The following PPP4R2 variants were observed in gnomAD, a reference collection of about 807,000 sequenced individuals.
The protein encoded by PPP4R2 is serine/threonine-protein phosphatase 4 regulatory subunit 2.
In PPP4R2, 13 loss-of-function variants were observed where a neutral mutation model predicts 47.2. The observed-to-expected ratio is 0.28, with a 90% confidence interval of 0.18 to 0.44. The LOEUF is 0.44. PPP4R2 is among the 20% of genes least tolerant of loss of function. The pLI, the probability that PPP4R2 is intolerant of heterozygous loss-of-function variation, is 1.00. For synonymous variants in PPP4R2, 151 were observed against 163.3 expected (o/e 0.92, Z 0.57); for missense variants, 421 against 491.2 (o/e 0.86, Z 1.35).
Position 72,996,874 on chromosome 3 carries a change from CT to C in PPP4R2, c.-163del. On this transcript the variant is annotated 5_prime_UTR_variant, in exon 1 of 9. Coordinates refer to ENST00000356692, the MANE Select transcript of PPP4R2 (RefSeq NM_174907.4). ...AGGTGCTCGCTCTGTCGGTCTTGCT[CT>C]CTCGCACGCTTCCCCCGGCTCCCTT... 1 of 430,316 alleles carries C rather than the reference CT, an allele frequency of 2.3e-6. No homozygotes were observed. The highest frequency in any genetic ancestry group is 6.1e-4 in the Middle Eastern group (1 of 1,632). 26.7% of individuals were successfully genotyped at this position (430,316 alleles called of 1,614,324 possible).
chr3:73,000,011 T>G (rs1050698102), intron 2 of PPP4R2, among the ~76,000 whole-genome samples: 3 of 152,234 alleles, frequency 2.0e-5, no homozygotes, highest in Non-Finnish European at 4.4e-5. Flanking sequence ...TATGTGAGAT[T>G]GTAACGAGAG....
intron 4 of PPP4R2, 132 bp from the exon 5 acceptor site, chr3:73,060,891 C>A: frequency 1.9e-6 from 1 of 528,466 alleles, no homozygotes; most frequent in South Asian, 3.1e-5. Flanking sequence ...CATTTTTAAC[C>A]ATTTTCCTTT....
At chr3:73,015,994 C>T (rs936187454) in intron 2 of PPP4R2, 3 of 191,298 alleles carry the variant, frequency 1.6e-5, no homozygotes, top group Non-Finnish European at 3.4e-5. Flanking sequence ...TCTCGAACTC[C>T]TGACCTCAAG....
chr3:73,056,297 AC>A (rs1702730369), intron 3 of PPP4R2, among the ~76,000 whole-genome samples: 1 of 86,788 alleles, frequency 1.2e-5, no homozygotes, highest in Non-Finnish European at 3.6e-5. Context: ...CACTTTTTAT[AC>A]AGTGTTGTTA....
intron 2 of PPP4R2, among the ~76,000 whole-genome samples, chr3:73,018,934 A>ACTTGTGGTT (rs1221629133): frequency 1.3e-5 from 2 of 152,016 alleles, no homozygotes; most frequent in Non-Finnish European, 2.9e-5. Flanking sequence ...GTCTGTTTCT[A>ACTTGTGGTT]CTTGTGGTTC....
intron 2 of PPP4R2, among the ~76,000 whole-genome samples, chr3:73,040,200 A>G (rs1305993813): frequency 1.3e-5 from 2 of 152,230 alleles, no homozygotes; most frequent in African/African-American, 2.4e-5. Context: ...AAGGAAATGT[A>G]AATTAAACTG....
rs5850094 is a variant in PPP4R2 at position 73,010,564 on chromosome 3, CTT to C, written c.116+12417_116+12418del. On this transcript the variant is annotated intron_variant, in intron 2 of 8. Transcript: ENST00000356692. ...ATAATTTACTTGTCTCTCTCGCTCT[CTT>C]TTTTTTTTTTAAGACAGAGTCTCAC... Among the ~76,000 whole-genome samples, 1,074 of 147,744 alleles carry C rather than the reference CTT, an allele frequency of 7.3e-3. 12 individuals are homozygous for C. The highest frequency in any genetic ancestry group is 0.025 in the African/African-American group (1,019 of 40,264).
In PPP4R2 at chr3:73,049,292, A is replaced by AT. The variant is rs576910846; in HGVS notation, c.287+1938dup. Among the ~76,000 whole-genome samples the AT allele has an allele frequency of 1.5e-3, 232 of 152,070 alleles. 1 individual carries two copies. The highest frequency in any genetic ancestry group is 1.6e-3 in the Non-Finnish European group (111 of 67,988). On this transcript the variant is annotated intron_variant, in intron 3 of 8. Coordinates refer to ENST00000356692, the MANE Select transcript of PPP4R2 (RefSeq NM_174907.4). ...GGTGGGCAGATCACTAGGTCAGGAG[A>AT]TTGAGACCATCCTGGCTAACACGGT...
At chr3:73,002,382 C>T (rs1412004120) in intron 2 of PPP4R2, among the ~76,000 whole-genome samples, 1 of 152,164 alleles carries the variant, frequency 6.6e-6, no homozygotes, top group Non-Finnish European at 1.5e-5. Context: ...TCCTGAATAG[C>T]TAGGACTTAC....
Position 73,064,861 on chromosome 3 carries a change from G to T in PPP4R2, c.648G>T (p.Ser216=), listed in dbSNP as rs760700037. Residue 216 remains serine, a synonymous_variant, in exon 8 of 9, where the codon TCG becomes TCT. Coordinates refer to ENST00000356692, the MANE Select transcript of PPP4R2 (RefSeq NM_174907.4). ...QNEEKNHSDS[S]TSESEVSSVS... is the part of the protein sequence containing the mutation. ...AAAAAAACATTTACAGTGACTCTTC[G>T]ACCTCTGAATCAGAAGTTTCCTCAG... 2 of 1,602,388 alleles carry T rather than the reference G, an allele frequency of 1.2e-6. No individual in the cohort carries two copies. The highest frequency in any genetic ancestry group is 1.7e-6 in the Non-Finnish European group (2 of 1,175,966).
At chr3:73,005,812 A>G (rs1288664414) in intron 2 of PPP4R2, among the ~76,000 whole-genome samples, 1 of 149,888 alleles carries the variant, frequency 6.7e-6, no homozygotes, top group East Asian at 1.9e-4. Context: ...AGTCTGGGCA[A>G]CAAGAGTGAA....
chr3:73,026,786 G>T (rs952027062), intron 2 of PPP4R2, among the ~76,000 whole-genome samples: 2 of 152,144 alleles, frequency 1.3e-5, no homozygotes, highest in South Asian at 2.1e-4. Flanking sequence ...TTCTCTTCCA[G>T]TGTGACCCAG....
At chr3:73,015,080 G>A in intron 2 of PPP4R2, 1 of 461,214 alleles carries the variant, frequency 2.2e-6, no homozygotes, top group Non-Finnish European at 3.9e-6. Context: ...TAGGATATAG[G>A]AAGAAAATAA....
chr3:73,057,685 G>A (rs1241171720), intron 3 of PPP4R2, among the ~76,000 whole-genome samples: 1 of 152,010 alleles, frequency 6.6e-6, no homozygotes, highest in Non-Finnish European at 1.5e-5. Context: ...TTGAACATAA[G>A]AATAGTATTG....
At chr3:73,018,452 T>TGTTATGTTATGTTATGTTATGTTTG in intron 2 of PPP4R2, among the ~76,000 whole-genome samples, 9 of 96,536 alleles carry the variant, frequency 9.3e-5, no homozygotes, top group Admixed American at 3.4e-4. Context: ...TGTTATGTTA[T>TGTTATGTTATGTTATGTTATGTTTG]TTATGTTATG....
rs60613480 is a variant in PPP4R2 at position 73,045,193 on chromosome 3, G to A, written c.117-1993G>A. Reference sequence around the variant, plus strand: ...TAGTAATTAATTATTTTGTAGAGACGGAGTATTGCTGTTTGCCCAGGCTGG... The same window carrying A: ...TAGTAATTAATTATTTTGTAGAGACAGAGTATTGCTGTTTGCCCAGGCTGG... On this transcript the variant is annotated intron_variant, in intron 2 of 8. Transcript: ENST00000356692. 6.4e-3 allele frequency among the ~76,000 whole-genome samples: 968 copies of A among 152,190 alleles called. 8 individuals are homozygous for A. Among genetic ancestry groups the A allele is most frequent in the African/African-American group, 0.022 (915 of 41,516 alleles).
chr3:73,034,128 G>T (rs1325401011), intron 2 of PPP4R2, among the ~76,000 whole-genome samples: 1 of 148,170 alleles, frequency 6.7e-6, no homozygotes, highest in Non-Finnish European at 1.5e-5. Context: ...CCACTTTTCT[G>T]TGTGTGGGTG....
chr3:73,009,103 T>C (rs1383313112), intron 2 of PPP4R2, among the ~76,000 whole-genome samples: 1 of 152,202 alleles, frequency 6.6e-6, no homozygotes, highest in East Asian at 1.9e-4. Flanking sequence ...CTTAAGTTAC[T>C]GTTGGTCACA....
chr3:73,056,370 T>TTA (rs1702732357), intron 3 of PPP4R2, among the ~76,000 whole-genome samples: 1 of 152,222 alleles, frequency 6.6e-6, no homozygotes, highest in Non-Finnish European at 1.5e-5. Flanking sequence ...AGGTTGGTAT[T>TTA]TCTAGTTTAT....
Sources: allele counts gnomAD v4.1 joint callset (sites outside exome capture counted in the v4.1 genomes callset), GRCh38; gene constraint gnomAD v4.1.1; transcripts MANE v1.5; gene names NCBI Gene and HGNC (gene_info 2026-07-23, HGNC 2026-07-21).